STPG1: variants seen among roughly 807,000 people sequenced by gnomAD.
The protein encoded by STPG1 is O(6)-methylguanine-induced apoptosis 2.
In STPG1, 33 loss-of-function variants were observed where a neutral mutation model predicts 40.1. The observed-to-expected ratio is 0.82, with a 90% CI of 0.62 to 1.10. STPG1 has a LOEUF of 1.10. STPG1 is among the 50% of genes least tolerant of loss of function. The probability of loss-of-function intolerance (pLI) is 0.00; values close to 1 mark genes in which losing one functional copy is unlikely to be tolerated. For synonymous variants in STPG1, 150 were observed against 155.0 expected (o/e 0.97, Z 0.24); for missense variants, 396 against 415.1 (o/e 0.95, Z 0.40).
chr1:24,390,957 G>A (rs1642747092), intron 3 of STPG1, among the ~76,000 whole-genome samples: 1 of 151,828 alleles, frequency 6.6e-6, no homozygotes, highest in Non-Finnish European at 1.5e-5. Flanking sequence ...ACACCACTAT[G>A]CCAAGCTAAT....
In STPG1 at chr1:24,401,343, TG is replaced by T; in HGVS notation, c.45del (p.Arg16AspfsTer28). The T allele has an allele frequency of 1.2e-6, 2 of 1,614,172 alleles. No individual in the cohort carries two copies. The highest frequency in any genetic ancestry group is 1.7e-6 in the Non-Finnish European group (2 of 1,179,992). On this transcript the variant is annotated frameshift_variant, in exon 2 of 9. Transcript: ENST00000337248. LOFTEE classifies it high-confidence loss of function. ...CCTTTCTGTACTTCACTGGCACGTCTGGGATGTTTGCCAGTGCGTTCATTTT... is the reference window on the plus strand; with the variant it reads ...CCTTTCTGTACTTCACTGGCACGTCTGGATGTTTGCCAGTGCGTTCATTTT... The part of the protein sequence containing the change: ...AQKNERTGKH[P>X]RRASEVQKGF...
chr1:24,381,205 G>T (rs1055167437), intron 4 of STPG1, among the ~76,000 whole-genome samples: 9 of 152,140 alleles, frequency 5.9e-5, no homozygotes, highest in African/African-American at 2.2e-4. Flanking sequence ...ACATGGCTCT[G>T]GGATAACAGC....
intron 4 of STPG1, among the ~76,000 whole-genome samples, chr1:24,382,390 G>C (rs973051979): frequency 6.6e-6 from 1 of 152,212 alleles, no homozygotes; most frequent in Non-Finnish European, 1.5e-5. Flanking sequence ...CTGTTTCAAA[G>C]AGCATTTCAC....
chr1:24,390,860 C>T (rs909157569), intron 3 of STPG1, among the ~76,000 whole-genome samples: 2 of 144,106 alleles, frequency 1.4e-5, no homozygotes, highest in African/African-American at 2.7e-5. Context: ...GGTACAGTTG[C>T]GCTATCTTGG....
chr1:24,362,530 A>G (rs1456974535), intron 7 of STPG1, among the ~76,000 whole-genome samples: 1 of 152,242 alleles, frequency 6.6e-6, no homozygotes, highest in Non-Finnish European at 1.5e-5. Flanking sequence ...TAACTTTATA[A>G]AGGAGTTACA....
intron 4 of STPG1, among the ~76,000 whole-genome samples, chr1:24,381,094 C>T (rs1261953590): frequency 6.6e-6 from 1 of 152,008 alleles, no homozygotes; most frequent in African/African-American, 2.4e-5. Flanking sequence ...TGAACTTCCC[C>T]AGCTAATTCA....
At chr1:24,367,116 G>T (rs1421057425) in intron 7 of STPG1, among the ~76,000 whole-genome samples, 1 of 152,154 alleles carries the variant, frequency 6.6e-6, no homozygotes, top group Non-Finnish European at 1.5e-5. Flanking sequence ...ACACCCCTGG[G>T]GCCACCTAAC....
chr1:24,381,815 G>A (rs1008160968), intron 4 of STPG1, among the ~76,000 whole-genome samples: 8 of 152,200 alleles, frequency 5.3e-5, no homozygotes, highest in African/African-American at 1.7e-4. Context: ...ATGCAGAAGC[G>A]GAGGAGGTGC....
chr1:24,374,239 A>G (rs113776318), intron 5 of STPG1, among the ~76,000 whole-genome samples: 1 of 144,968 alleles, frequency 6.9e-6, no homozygotes, highest in African/African-American at 2.6e-5. Flanking sequence ...CACCGCTAGG[A>G]AAGTGTTTTT....
At chr1:24,391,418 T>C in intron 3 of STPG1, 143 bp downstream of exon 3, 1 of 542,808 alleles carries the variant, frequency 1.8e-6, no homozygotes. Flanking sequence ...TCGGTGCCCC[T>C]CAGTGGAGCT....
intron 7 of STPG1, among the ~76,000 whole-genome samples, chr1:24,364,818 G>A (rs1421132099): frequency 6.6e-6 from 1 of 152,224 alleles, no homozygotes; most frequent in South Asian, 2.1e-4. Context: ...CCCGTGGAAA[G>A]AAAACATCTA....
chr1:24,366,771 GC>G (rs1641489527), intron 7 of STPG1, among the ~76,000 whole-genome samples: 1 of 152,230 alleles, frequency 6.6e-6, no homozygotes, highest in South Asian at 2.1e-4. Flanking sequence ...CCAGAGAGGT[GC>G]CCAGAGCAGC....
chr1:24,396,422 G>A (rs1009338426), intron 2 of STPG1, among the ~76,000 whole-genome samples: 6 of 152,136 alleles, frequency 3.9e-5, no homozygotes, highest in Admixed American at 1.3e-4. Flanking sequence ...CAATCCTCCT[G>A]CCTCAGCCTC....
At position 24,359,665 on chromosome 1, in the gene STPG1, A is replaced by G. The variant is rs1640966853; in HGVS notation, c.929-1046T>C. On this transcript the variant is annotated intron_variant, in intron 8 of 8. Coordinates refer to ENST00000337248, the MANE Select transcript of STPG1 (RefSeq NM_001199013.2). The surrounding 1 kb of genome is among the most constrained non-coding windows in gnomAD (Gnocchi z 5.3). ...GGTCATCTTGGCTCCCTCGCACGGG[A>G]GCATCGTCAACACTCACAGAAAGGC... 6.6e-6 allele frequency among the ~76,000 whole-genome samples: 1 copy of G among 152,138 alleles called. No individual in the cohort carries two copies. Among genetic ancestry groups the G allele is most frequent in the Non-Finnish European group, 1.5e-5 (1 of 68,026 alleles).
At chr1:24,382,253 A>G (rs1437061795) in intron 4 of STPG1, among the ~76,000 whole-genome samples, 1 of 152,230 alleles carries the variant, frequency 6.6e-6, no homozygotes, top group East Asian at 1.9e-4. Flanking sequence ...GTTGGCACCA[A>G]GAAGGAATGG....
chr1:24,404,197 T>C (rs1171606851), intron 1 of STPG1, among the ~76,000 whole-genome samples: 1 of 152,214 alleles, frequency 6.6e-6, no homozygotes, highest in Non-Finnish European at 1.5e-5. Flanking sequence ...GATCATACAA[T>C]TGTTCTTTGT....
intron 5 of STPG1, among the ~76,000 whole-genome samples, chr1:24,374,257 G>GTT (rs1553122570): frequency 3.7e-4 from 23 of 62,104 alleles, no homozygotes; most frequent in South Asian, 9.6e-4. Context: ...TTTTTTTTTT[G>GTT]TTTTTTTTTT....
chr1:24,361,360 G>C (rs1641104839), intron 7 of STPG1, among the ~76,000 whole-genome samples: 1 of 152,176 alleles, frequency 6.6e-6, no homozygotes, highest in Non-Finnish European at 1.5e-5. Context: ...GAGATGTGGA[G>C]CTAACCAGAA....
chr1:24,399,041 TATC>T lies in STPG1; in HGVS notation c.70+2275_70+2277del, dbSNP rs1479768742. 6.6e-6 allele frequency among the ~76,000 whole-genome samples: 1 copy of T among 152,098 alleles called. No homozygotes were observed. Among genetic ancestry groups the T allele is most frequent in the Non-Finnish European group, 1.5e-5 (1 of 67,976 alleles). Reference sequence around the variant, plus strand: ...CGCACATTATATTCTTGTATCAAAATATCATGTGTGCACCATAAATATGTACAA... The same window carrying T: ...CGCACATTATATTCTTGTATCAAAATATGTGTGCACCATAAATATGTACAA... On this transcript the variant is annotated intron_variant, in intron 2 of 8. Transcript: ENST00000337248. This position sits in a 1 kb window ranked among gnomAD's most constrained non-coding sequence, Gnocchi z 4.0.
Sources: allele counts gnomAD v4.1 joint callset (sites outside exome capture counted in the v4.1 genomes callset), GRCh38; gene constraint gnomAD v4.1.1; non-coding constraint Gnocchi (gnomAD v3.1); transcripts MANE v1.5; gene names NCBI Gene and HGNC (gene_info 2026-07-23, HGNC 2026-07-21).